LRRTM4: variants seen among roughly 807,000 people sequenced by gnomAD.
LRRTM4 encodes the protein leucine rich repeat transmembrane neuronal 4.
In LRRTM4, 25 loss-of-function variants were observed where a neutral mutation model predicts 47.6. The ratio of observed to expected loss-of-function variants is 0.53; its 90% confidence interval spans 0.38 to 0.73. LRRTM4 has a LOEUF of 0.73. LRRTM4 is among the 30% of genes least tolerant of loss of function. The probability of loss-of-function intolerance (pLI) is 0.00; values close to 1 mark genes in which losing one functional copy is unlikely to be tolerated. For synonymous variants in LRRTM4, 311 were observed against 269.5 expected, an observed-to-expected ratio of 1.15 and a Z score of -1.51; for missense variants, 638 against 713.4, an observed-to-expected ratio of 0.89 and a Z score of 1.20.
At chr2:77,168,436 T>C (rs917393091) in intron 3 of LRRTM4, among the ~76,000 whole-genome samples, 3 of 152,120 alleles carry the variant, frequency 2.0e-5, no homozygotes, top group Admixed American at 2.0e-4. Context: ...TTATACATAA[T>C]AATTATACAT....
At chr2:77,196,136 CGGT>C (rs1015979726) in intron 3 of LRRTM4, among the ~76,000 whole-genome samples, 2 of 152,014 alleles carry the variant, frequency 1.3e-5, no homozygotes, top group African/African-American at 4.8e-5. Context: ...TTTAATAAGA[CGGT>C]GGAAGTGAAG....
At chr2:76,821,014 T>C (rs566255299) in intron 3 of LRRTM4, among the ~76,000 whole-genome samples, 2 of 151,800 alleles carry the variant, frequency 1.3e-5, no homozygotes, top group African/African-American at 4.8e-5. Context: ...AAATTATGAG[T>C]TATTTCAGGA....
chr2:76,798,443 T>C (rs1303941785), intron 3 of LRRTM4, among the ~76,000 whole-genome samples: 1 of 150,198 alleles, frequency 6.7e-6, no homozygotes, highest in Non-Finnish European at 1.5e-5. Flanking sequence ...TGGGACGCAT[T>C]CAAAGCAGTG....
intron 3 of LRRTM4, among the ~76,000 whole-genome samples, chr2:77,348,022 A>G (rs1205247459): frequency 2.8e-5 from 2 of 71,756 alleles, no homozygotes; most frequent in Non-Finnish European, 5.4e-5. Flanking sequence ...ACAAAACACA[A>G]GTACACACAC....
intron 3 of LRRTM4, among the ~76,000 whole-genome samples, chr2:76,990,305 T>C (rs951133064): frequency 6.6e-6 from 1 of 151,750 alleles, no homozygotes; most frequent in Admixed American, 6.6e-5. Flanking sequence ...ACCTAATACA[T>C]CAATATTAAC....
At chr2:76,905,840 A>G (rs1360849770) in intron 3 of LRRTM4, among the ~76,000 whole-genome samples, 1 of 152,210 alleles carries the variant, frequency 6.6e-6, no homozygotes, top group African/African-American at 2.4e-5. Flanking sequence ...GAAATATGGG[A>G]CTTTGTGAAA....
At chr2:77,218,548 C>G (rs1320663151) in intron 3 of LRRTM4, among the ~76,000 whole-genome samples, 1 of 147,944 alleles carries the variant, frequency 6.8e-6, no homozygotes, top group African/African-American at 2.5e-5. Context: ...ATTTATTGTT[C>G]CTGGGATATT....
intron 3 of LRRTM4, among the ~76,000 whole-genome samples, chr2:77,036,589 T>G (rs571822688): frequency 6.6e-6 from 1 of 151,900 alleles, no homozygotes; most frequent in East Asian, 1.9e-4. Context: ...TTTTTCTTTT[T>G]GCATGAACAT....
intron 3 of LRRTM4, among the ~76,000 whole-genome samples, chr2:76,979,427 A>G (rs531241598): frequency 6.6e-6 from 1 of 151,600 alleles, no homozygotes; most frequent in African/African-American, 2.4e-5. Context: ...TATGTTAGAC[A>G]AATAGAAAAG....
At chr2:76,892,245 A>G (rs751911667) in intron 3 of LRRTM4, among the ~76,000 whole-genome samples, 1 of 151,578 alleles carries the variant, frequency 6.6e-6, no homozygotes, top group South Asian at 2.1e-4. Context: ...TACAACTCAC[A>G]TGTCTCGTTG....
At chr2:77,198,270 T>C (rs1342571221) in intron 3 of LRRTM4, among the ~76,000 whole-genome samples, 1 of 152,170 alleles carries the variant, frequency 6.6e-6, no homozygotes, top group African/African-American at 2.4e-5. Flanking sequence ...GCGTGACACA[T>C]GTCATACCTT....
intron 3 of LRRTM4, among the ~76,000 whole-genome samples, chr2:76,774,954 C>T (rs940378254): frequency 2.0e-4 from 31 of 152,260 alleles, no homozygotes; most frequent in African/African-American, 2.6e-4. Flanking sequence ...TGTCTTCTTC[C>T]GTAGCAGGTA....
chr2:77,232,882 C>T (rs11898627), intron 3 of LRRTM4, among the ~76,000 whole-genome samples: 104,860 of 152,038 alleles, frequency 0.69, 36,853 homozygotes, highest in African/African-American at 0.84. Flanking sequence ...TGAATCAAAA[C>T]ATATCTTTTA....
At chr2:76,773,946 G>T (rs1673833318) in intron 3 of LRRTM4, among the ~76,000 whole-genome samples, 2 of 151,442 alleles carry the variant, frequency 1.3e-5, no homozygotes, top group African/African-American at 4.8e-5. Context: ...ATCTTCAATT[G>T]AGATAATTAT....
chr2:77,157,085 A>C (rs2103798354), intron 3 of LRRTM4, among the ~76,000 whole-genome samples: 1 of 152,274 alleles, frequency 6.6e-6, no homozygotes, highest in South Asian at 2.1e-4. Flanking sequence ...TTAATTCATA[A>C]ACTAAAAGAT....
chr2:77,467,875 AT>A (rs928517048), intron 3 of LRRTM4, among the ~76,000 whole-genome samples: 1 of 151,482 alleles, frequency 6.6e-6, no homozygotes, highest in Admixed American at 6.6e-5. Context: ...TGAAAAAAAT[AT>A]TTTTTAAAAA....
At chr2:77,099,977 AT>A (rs1366351667) in intron 3 of LRRTM4, among the ~76,000 whole-genome samples, 1 of 152,156 alleles carries the variant, frequency 6.6e-6, no homozygotes, top group Non-Finnish European at 1.5e-5. Flanking sequence ...AGTTTTTTTA[AT>A]AGCAGAATTC....
chr2:76,893,770 A>G (rs570266534), intron 3 of LRRTM4, among the ~76,000 whole-genome samples: 1 of 151,946 alleles, frequency 6.6e-6, no homozygotes, highest in South Asian at 2.1e-4. Context: ...TGCCCTTCTT[A>G]TATTTTACAA....
chr2:77,466,321 T>A (rs926844056), intron 3 of LRRTM4, among the ~76,000 whole-genome samples: 3 of 152,170 alleles, frequency 2.0e-5, no homozygotes, highest in African/African-American at 7.2e-5. Flanking sequence ...TAAATCGATC[T>A]TGGTTACCAC....
Sources: gnomAD v4.1 joint callset for allele counts (sites outside exome capture counted in the v4.1 genomes callset) on GRCh38, gnomAD v4.1.1 for gene constraint, MANE v1.5 for transcripts, NCBI Gene and HGNC (gene_info 2026-07-23, HGNC 2026-07-21) for gene names.